FAM135B: variants seen among roughly 807,000 people sequenced by gnomAD.
The protein encoded by FAM135B is family with sequence similarity 135 member B.
A neutral mutation model predicts 127.7 loss-of-function variants in FAM135B; 43 were observed. The observed-to-expected ratio is 0.34, with a 90% CI of 0.26 to 0.43. FAM135B has a LOEUF of 0.43. FAM135B is among the 20% of genes least tolerant of loss of function. The probability of loss-of-function intolerance (pLI) is 1.00; values close to 1 mark genes in which losing one functional copy is unlikely to be tolerated. For missense variants in FAM135B, 1,558 were observed against 1,725.6 expected, an observed-to-expected ratio of 0.90 and a Z score of 1.72; for synonymous variants, 670 against 665.1, an observed-to-expected ratio of 1.01 and a Z score of -0.11.
intron 1 of FAM135B, among the ~76,000 whole-genome samples, chr8:138,375,401 A>G (rs575852071): frequency 3.3e-5 from 5 of 151,688 alleles, no homozygotes; most frequent in South Asian, 2.1e-4. Context: ...GTGTGTGTGT[A>G]TATGTGTGTA....
At chr8:138,311,164 G>A (rs571164658) in intron 2 of FAM135B, among the ~76,000 whole-genome samples, 4 of 152,328 alleles carry the variant, frequency 2.6e-5, no homozygotes, top group African/African-American at 9.6e-5. Flanking sequence ...CAAGGTTGGA[G>A]GTGATGGGAA....
intron 7 of FAM135B, among the ~76,000 whole-genome samples, chr8:138,224,861 A>G (rs959348496): frequency 4.6e-5 from 7 of 152,206 alleles, no homozygotes; most frequent in Non-Finnish European, 1.0e-4. Flanking sequence ...AATCTAAAAA[A>G]AGTCAAACTT....
chr8:138,374,292 G>C (rs1831329529), intron 1 of FAM135B, among the ~76,000 whole-genome samples: 1 of 152,150 alleles, frequency 6.6e-6, no homozygotes, highest in Non-Finnish European at 1.5e-5. Context: ...TCTGTACTTG[G>C]AGGGAAACAC....
intron 13 of FAM135B, among the ~76,000 whole-genome samples, chr8:138,150,729 G>T (rs1456065417): frequency 6.6e-6 from 1 of 152,052 alleles, no homozygotes; most frequent in Non-Finnish European, 1.5e-5. Flanking sequence ...AGGTTCATTT[G>T]TAAAGAATTT....
chr8:138,349,772 G>A (rs2131109592), intron 2 of FAM135B, among the ~76,000 whole-genome samples: 1 of 152,276 alleles, frequency 6.6e-6, no homozygotes, highest in Non-Finnish European at 1.5e-5. Context: ...TGCAGGCTGA[G>A]ATGAGCAAAG....
chr8:138,229,396 C>T (rs1819737760), intron 7 of FAM135B, among the ~76,000 whole-genome samples: 1 of 152,110 alleles, frequency 6.6e-6, no homozygotes, highest in African/African-American at 2.4e-5. Context: ...ATGTCTTGCA[C>T]ATCAGACTCC....
chr8:138,453,867 G>A (rs144961237), intron 1 of FAM135B, among the ~76,000 whole-genome samples: 34 of 152,260 alleles, frequency 2.2e-4, no homozygotes, highest in African/African-American at 7.9e-4. Context: ...TCCATCAGGT[G>A]AGGTCAGATT....
In FAM135B at chr8:138,410,837, C is replaced by T. The variant is rs185885436; in HGVS notation, c.-19-42835G>A. ...TACCAAAAACATACGTGTACTTATA[C>T]GCCAACAACAGACAAACAGAGAGCC... On this transcript the variant is annotated intron_variant, in intron 1 of 19. Coordinates refer to ENST00000395297, the MANE Select transcript of FAM135B (RefSeq NM_015912.4). Among the ~76,000 whole-genome samples, 90 of 152,208 alleles carry T rather than the reference C, an allele frequency of 5.9e-4. 1 individual carries two copies. Among genetic ancestry groups the T allele is most frequent in the African/African-American group, 1.4e-3 (60 of 41,520 alleles).
chr8:138,310,959 C>T (rs768934274), intron 2 of FAM135B, 39 bp from the exon 3 acceptor site: 20 of 1,533,350 alleles, frequency 1.3e-5, no homozygotes, highest in Non-Finnish European at 1.7e-5. Flanking sequence ...GAAGATCAGC[C>T]TTCTTAACGT....
chr8:138,368,911 G>A (rs890149842), intron 1 of FAM135B, among the ~76,000 whole-genome samples: 3 of 152,076 alleles, frequency 2.0e-5, no homozygotes, highest in Admixed American at 6.6e-5. Flanking sequence ...TATATTCTTG[G>A]TGTTGCATAA....
At chr8:138,367,217 A>C (rs952825255) in intron 2 of FAM135B, 9 of 328,464 alleles carry the variant, frequency 2.7e-5, no homozygotes, top group African/African-American at 1.5e-4. Flanking sequence ...ATTTCTATTA[A>C]CTTTGCTTTT....
intron 1 of FAM135B, among the ~76,000 whole-genome samples, chr8:138,379,710 G>T (rs1035419292): frequency 1.3e-5 from 2 of 152,172 alleles, no homozygotes; most frequent in African/African-American, 2.4e-5. Context: ...GGAGACAGAA[G>T]TTGCATCTCT....
chr8:138,279,055 C>T (rs1824061845), intron 3 of FAM135B, among the ~76,000 whole-genome samples: 1 of 152,212 alleles, frequency 6.6e-6, no homozygotes, highest in African/African-American at 2.4e-5. Context: ...TCCTATCACA[C>T]TGCTTGCCCA....
At chr8:138,302,137 A>G (rs200151605) in intron 3 of FAM135B, among the ~76,000 whole-genome samples, 107 of 1,138 alleles carry the variant, frequency 0.094, 1 homozygote, top group Admixed American at 0.19. Context: ...AGGAAGTGTT[A>G]TTATTATTAT....
intron 19 of FAM135B, 30 bp downstream of exon 19, chr8:138,137,117 G>T: frequency 8.8e-7 from 1 of 1,139,170 alleles, no homozygotes; most frequent in Non-Finnish European, 1.3e-6. Context: ...AAATTAGAAA[G>T]TCCCTGAGCA....
intron 2 of FAM135B, among the ~76,000 whole-genome samples, chr8:138,353,809 G>C (rs961662812): frequency 1.3e-5 from 2 of 152,102 alleles, no homozygotes; most frequent in Non-Finnish European, 2.9e-5. Context: ...TAGTCACTGA[G>C]TGATTTCAGC....
intron 2 of FAM135B, among the ~76,000 whole-genome samples, chr8:138,311,370 G>C (rs1225240502): frequency 2.0e-5 from 3 of 152,198 alleles, no homozygotes; most frequent in Non-Finnish European, 2.9e-5. Flanking sequence ...GTTATTCTTG[G>C]AAGTGTTGCC....
chr8:138,461,889 G>A (rs539586697), intron 1 of FAM135B, among the ~76,000 whole-genome samples: 48 of 152,182 alleles, frequency 3.2e-4, no homozygotes, highest in Non-Finnish European at 6.3e-4. Context: ...GGTGGGAGAA[G>A]GTTGCTAATA....
chr8:138,226,793 C>T (rs1563792957), intron 7 of FAM135B, among the ~76,000 whole-genome samples: 1 of 152,170 alleles, frequency 6.6e-6, no homozygotes, highest in Non-Finnish European at 1.5e-5. Context: ...AACTCCTAAC[C>T]TCAAGTGATC....
Sources: gnomAD v4.1 joint callset for allele counts (sites outside exome capture counted in the v4.1 genomes callset) on GRCh38, gnomAD v4.1.1 for gene constraint, MANE v1.5 for transcripts, NCBI Gene and HGNC (gene_info 2026-07-23, HGNC 2026-07-21) for gene names.